Variants in MYOF observed in about 807,000 individuals in gnomAD.
MYOF encodes the protein myoferlin.
In MYOF, 244 loss-of-function variants were observed where a neutral mutation model predicts 284.2. The observed-to-expected ratio is 0.86, with a 90% CI of 0.77 to 0.95. The LOEUF (loss-of-function observed/expected upper bound fraction) is 0.95, where lower values mean the gene tolerates loss of function less well. MYOF is among the 40% of genes least tolerant of loss of function. The pLI is 0.00. For synonymous variants in MYOF, 904 were observed against 919.7 expected (o/e 0.98, Z 0.31); for missense variants, 2,496 against 2,560.6 (o/e 0.97, Z 0.54).
chr10:93,465,328 G>A (rs947936501), intron 1 of MYOF, among the ~76,000 whole-genome samples: 3 of 152,076 alleles, frequency 2.0e-5, no homozygotes, highest in African/African-American at 7.2e-5. Context: ...CCCCCACAAC[G>A]CTTACTACAT....
Position 93,408,771 on chromosome 10 carries a change from CT to C in MYOF, c.729+15del. On this transcript the variant is annotated intron_variant, in intron 7 of 53. Coordinates refer to ENST00000359263, the MANE Select transcript of MYOF (RefSeq NM_013451.4). ...TGGGACTCATGAGCAGAAACATGCC[CT>C]CTCAACCCCTTTACCTCATCAAAAA... The C allele has an allele frequency of 6.2e-7, 1 of 1,614,056 alleles. No individual in the cohort carries two copies.
intron 1 of MYOF, among the ~76,000 whole-genome samples, chr10:93,461,743 T>A (rs1464073805): frequency 6.6e-6 from 1 of 152,108 alleles, no homozygotes; most frequent in African/African-American, 2.4e-5. Flanking sequence ...AAGGTTATGG[T>A]CTCACTGTGA....
intron 49 of MYOF, among the ~76,000 whole-genome samples, chr10:93,317,700 C>A (rs907368140): frequency 1.3e-5 from 2 of 152,146 alleles, no homozygotes; most frequent in Admixed American, 1.3e-4. Flanking sequence ...ACCCTCAGAT[C>A]CTCATGCTAG....
At chr10:93,413,476 T>A (rs1460035285) in intron 5 of MYOF, among the ~76,000 whole-genome samples, 1 of 152,180 alleles carries the variant, frequency 6.6e-6, no homozygotes, top group Non-Finnish European at 1.5e-5. Flanking sequence ...AGCTGTGTCA[T>A]GAGTGAAATG....
At chr10:93,396,757 G>C (rs937898547) in intron 15 of MYOF, among the ~76,000 whole-genome samples, 6 of 152,154 alleles carry the variant, frequency 3.9e-5, no homozygotes, top group African/African-American at 1.4e-4. Context: ...CATCCAACTA[G>C]AACATTCCAA....
In MYOF at chr10:93,373,002, C is replaced by G; in HGVS notation, c.2385G>C (p.Gln795His). 1.9e-6 allele frequency: 3 copies of G among 1,614,168 alleles called. No individual in the cohort carries two copies. Among genetic ancestry groups the G allele is most frequent in the Non-Finnish European group, 2.5e-6 (3 of 1,180,018 alleles). Residue 795 changes from glutamine (Q) to histidine (H), a missense_variant, in exon 24 of 54, where the codon CAG becomes CAC. Coordinates refer to ENST00000359263, the MANE Select transcript of MYOF (RefSeq NM_013451.4). ...TCTCACCACTGGTGGAGTACAAGAC[C>G]TGATGTGCGGGAATTCGTGCATAGG... ...RLAYARIPAH[Q>H]VLYSTSGENA...
intron 38 of MYOF, among the ~76,000 whole-genome samples, chr10:93,341,637 T>C (rs1321799383): frequency 6.6e-6 from 1 of 152,190 alleles, no homozygotes; most frequent in Non-Finnish European, 1.5e-5. Context: ...ATGGGAGAAT[T>C]TATTCATGCC....
Position 93,408,811 on chromosome 10 carries a change from T to C in MYOF, c.705A>G (p.Arg235=), listed in dbSNP as rs1343766080. Residue 235 remains arginine, a synonymous_variant, in exon 7 of 54, where the codon AGA becomes AGG. Coordinates refer to ENST00000359263, the MANE Select transcript of MYOF (RefSeq NM_013451.4). ...CCTCATCAAAAAAAGGGTTGTTTCC[T>C]CTCTTGATTCTTGTTCGGTGTGTCT... ...CGQTHRTRIK[R]GNNPFFDELF... is the part of the protein sequence containing the mutation. The C allele has an allele frequency of 1.2e-6, 2 of 1,614,022 alleles. No homozygotes were observed. The highest frequency in any genetic ancestry group is 2.2e-5 in the South Asian group (2 of 91,084).
chr10:93,478,987 A>G (rs1280818332), intron 1 of MYOF, among the ~76,000 whole-genome samples: 3 of 151,916 alleles, frequency 2.0e-5, no homozygotes, highest in Non-Finnish European at 4.4e-5. Context: ...ACCATTAACA[A>G]TCACTTCCCC....
chr10:93,468,461 C>T (rs1465053814), intron 1 of MYOF, among the ~76,000 whole-genome samples: 1 of 152,258 alleles, frequency 6.6e-6, no homozygotes, highest in Non-Finnish European at 1.5e-5. Flanking sequence ...CTGCTTCCTT[C>T]AGGCAAGCTT....
At chr10:93,477,765 T>G (rs1030631237) in intron 1 of MYOF, among the ~76,000 whole-genome samples, 1 of 152,078 alleles carries the variant, frequency 6.6e-6, no homozygotes, top group Non-Finnish European at 1.5e-5. Context: ...GAGAATCGCT[T>G]GAACCCAGGA....
chr10:93,382,634 C>T (rs534702125), intron 19 of MYOF, among the ~76,000 whole-genome samples: 2 of 152,300 alleles, frequency 1.3e-5, no homozygotes, highest in Non-Finnish European at 2.9e-5. Flanking sequence ...TTCATGGGCA[C>T]ATAAAATCTC....
At position 93,333,735 on chromosome 10, in the gene MYOF, A is replaced by T. The variant is rs1397845729; in HGVS notation, c.4719+23T>A. Reference sequence around the variant, plus strand: ...ACTGTAATTATCTTGCTACAGGAGAAGGCCCCACACCCAAACTCTTACCAG... The same window carrying T: ...ACTGTAATTATCTTGCTACAGGAGATGGCCCCACACCCAAACTCTTACCAG... On this transcript the variant is annotated intron_variant, in intron 42 of 53. Transcript: ENST00000359263. The T allele has an allele frequency of 1.9e-6, 3 of 1,610,374 alleles. No individual in the cohort carries two copies. In the Admixed American group the frequency reaches 5.0e-5, roughly 27 times the overall value.
chr10:93,393,662 C>A (rs539135751), intron 16 of MYOF, among the ~76,000 whole-genome samples: 2 of 152,196 alleles, frequency 1.3e-5, no homozygotes, highest in Admixed American at 1.3e-4. Context: ...ACCCTCCCCC[C>A]ATATAGTTCC....
chr10:93,388,911 G>C (rs546585424), intron 18 of MYOF, 119 bp downstream of exon 18: 2 of 1,307,594 alleles, frequency 1.5e-6, no homozygotes, highest in Non-Finnish European at 2.1e-6. Flanking sequence ...TCCTATCTTT[G>C]CATTCTAAGT....
chr10:93,390,551 TATC>T (rs1846626825), intron 17 of MYOF, among the ~76,000 whole-genome samples: 2 of 152,336 alleles, frequency 1.3e-5, no homozygotes, highest in East Asian at 3.9e-4. Context: ...TGAATCATGT[TATC>T]ATCTTCAAGA....
At chr10:93,386,815 GC>G (rs1028674343) in intron 19 of MYOF, among the ~76,000 whole-genome samples, 1 of 152,188 alleles carries the variant, frequency 6.6e-6, no homozygotes, top group African/African-American at 2.4e-5. Context: ...TGCAAAGGGG[GC>G]AGATGTAACA....
In MYOF at chr10:93,310,536, T is replaced by C. The variant is rs1842335166; in HGVS notation, c.5997A>G (p.Pro1999=). 1 of 1,614,070 alleles carries C rather than the reference T, an allele frequency of 6.2e-7. No individual in the cohort carries two copies. The highest frequency in any genetic ancestry group is 8.5e-7 in the Non-Finnish European group (1 of 1,179,970). ...GGAGAACAAAGAAGGCCTCTCACTT[T>C]GGTAAGTCCAGCTTGGGGTTCATGT... is the stretch of plus-strand genomic sequence containing the variant. ...EPNMNPKLDL[P]NRPETSFLWF... Residue 1999 remains proline, a splice_region_variant and synonymous_variant, in exon 52 of 54, where the codon CCA becomes CCG. Transcript: ENST00000359263.
intron 1 of MYOF, among the ~76,000 whole-genome samples, chr10:93,459,579 T>G (rs1031851807): frequency 6.6e-6 from 1 of 152,150 alleles, no homozygotes; most frequent in Admixed American, 6.5e-5. Flanking sequence ...TGTTTGTGTG[T>G]GTTTGCCACC....
Sources: allele counts gnomAD v4.1 joint callset (sites outside exome capture counted in the v4.1 genomes callset), GRCh38; gene constraint gnomAD v4.1.1; transcripts MANE v1.5; gene names NCBI Gene and HGNC (gene_info 2026-07-23, HGNC 2026-07-21).